The following USP46 variants were observed in gnomAD, a reference collection of about 807,000 sequenced individuals.
USP46 encodes ubiquitin carboxyl-terminal hydrolase 46.
In USP46, 12 loss-of-function variants were observed where a neutral mutation model predicts 44.4. The observed-to-expected ratio is 0.27, with a 90% CI of 0.17 to 0.44. The LOEUF is 0.44. Among genes scored for constraint, USP46 ranks in the 20% least tolerant of loss-of-function variants. The probability of loss-of-function intolerance (pLI) is 1.00; values close to 1 mark genes in which losing one functional copy is unlikely to be tolerated. For missense variants in USP46, 248 were observed against 444.8 expected (o/e 0.56, Z 3.98); for synonymous variants, 155 against 161.5 (o/e 0.96, Z 0.31).
chr4:52,635,673 C>T (rs1401516101), intron 1 of USP46, among the ~76,000 whole-genome samples: 2 of 152,202 alleles, frequency 1.3e-5, no homozygotes, highest in East Asian at 1.9e-4. Context: ...CTATCAGATC[C>T]TTCCCGTCAG....
At chr4:52,626,280 G>A in intron 3 of USP46, 33 bp from the exon 4 acceptor site, 1 of 1,568,462 alleles carries the variant, frequency 6.4e-7, no homozygotes, top group African/African-American at 1.4e-5. Flanking sequence ...TTCAGTCTCT[G>A]GTTCTTGAAA....
At chr4:52,614,850 C>T (rs1470432360) in intron 4 of USP46, among the ~76,000 whole-genome samples, 2 of 152,210 alleles carry the variant, frequency 1.3e-5, no homozygotes, top group Non-Finnish European at 2.9e-5. Context: ...ACAACTACAG[C>T]ATAAAGAACA....
intron 4 of USP46, among the ~76,000 whole-genome samples, chr4:52,611,022 A>G (rs1466163667): frequency 6.6e-6 from 1 of 152,222 alleles, no homozygotes; most frequent in Non-Finnish European, 1.5e-5. Flanking sequence ...TCCCTTGTTG[A>G]GTCGTTTCCA....
At chr4:52,653,778 C>T (rs1192405584) in intron 1 of USP46, among the ~76,000 whole-genome samples, 7 of 152,022 alleles carry the variant, frequency 4.6e-5, no homozygotes, top group Admixed American at 4.6e-4. Context: ...GATGATACCA[C>T]AGAATTTAAT....
chr4:52,604,971 T>C (rs1395873469), intron 5 of USP46, among the ~76,000 whole-genome samples: 2 of 152,142 alleles, frequency 1.3e-5, no homozygotes, highest in African/African-American at 2.4e-5. Flanking sequence ...AAAATACTGT[T>C]GAGTAAAAGT....
chr4:52,617,896 A>G (rs1418639565), intron 4 of USP46, among the ~76,000 whole-genome samples: 1 of 152,210 alleles, frequency 6.6e-6, no homozygotes, highest in Non-Finnish European at 1.5e-5. Flanking sequence ...AGTACAAGCT[A>G]TATCTTATTC....
At chr4:52,642,806 C>A (rs567880447) in intron 1 of USP46, among the ~76,000 whole-genome samples, 1 of 152,142 alleles carries the variant, frequency 6.6e-6, no homozygotes, top group Non-Finnish European at 1.5e-5. Flanking sequence ...AAAGAGAAAA[C>A]CGTACCAAAA....
At chr4:52,615,040 C>G (rs1407740908) in intron 4 of USP46, among the ~76,000 whole-genome samples, 3 of 150,520 alleles carry the variant, frequency 2.0e-5, no homozygotes, top group Non-Finnish European at 4.4e-5. Flanking sequence ...CAGAAAAGAT[C>G]AAGAGGAAAA....
chr4:52,641,398 A>G (rs1718336043), intron 1 of USP46, among the ~76,000 whole-genome samples: 1 of 152,346 alleles, frequency 6.6e-6, no homozygotes, highest in Non-Finnish European at 1.5e-5. Flanking sequence ...TCTGAAAGCA[A>G]TTCTATGACT....
At chr4:52,599,562 A>G (rs1716379712) in intron 7 of USP46, among the ~76,000 whole-genome samples, 1 of 152,194 alleles carries the variant, frequency 6.6e-6, no homozygotes, top group South Asian at 2.1e-4. Flanking sequence ...AAAGACATTA[A>G]TAAACCAATA....
chr4:52,604,399 A>G (rs1716595018), intron 6 of USP46, 102 bp downstream of exon 6: 5 of 926,998 alleles, frequency 5.4e-6, no homozygotes, highest in African/African-American at 1.7e-5. Flanking sequence ...CATGGCTACA[A>G]GCCCAGGTAG....
At chr4:52,626,388 T>G in intron 3 of USP46, 141 bp from the exon 4 acceptor site, 1 of 706,044 alleles carries the variant, frequency 1.4e-6, no homozygotes, top group South Asian at 2.0e-5. Flanking sequence ...AGTGGCATGA[T>G]CTCAGTTCAC....
intron 4 of USP46, among the ~76,000 whole-genome samples, chr4:52,617,079 G>A (rs1218803368): frequency 1.3e-5 from 2 of 152,084 alleles, no homozygotes; most frequent in African/African-American, 4.8e-5. Flanking sequence ...ATAATTCCCA[G>A]CATTTAATAG....
Position 52,608,897 on chromosome 4 carries a change from G to A in USP46, c.638+1644C>T, listed in dbSNP as rs1716806793. ...CACTGAGCATTTGGAGGAGTAAGGG[G>A]AGATTCTGGGAAGGAGTCATGGGGA... On this transcript the variant is annotated intron_variant, in intron 5 of 8. Coordinates refer to ENST00000441222, the MANE Select transcript of USP46 (RefSeq NM_022832.4). Among the ~76,000 whole-genome samples, 3 of 152,294 alleles carry A rather than the reference G, an allele frequency of 2.0e-5. No homozygotes were observed. In the South Asian group the frequency reaches 6.2e-4, roughly 32 times the overall value.
chr4:52,599,804 T>G (rs1011241323), intron 7 of USP46, among the ~76,000 whole-genome samples: 1 of 152,182 alleles, frequency 6.6e-6, no homozygotes, highest in African/African-American at 2.4e-5. Flanking sequence ...TTCCTGCCCT[T>G]TCTCCAGCCT....
At chr4:52,629,361 C>G (rs1403528313) in intron 2 of USP46, among the ~76,000 whole-genome samples, 1 of 152,132 alleles carries the variant, frequency 6.6e-6, no homozygotes, top group Non-Finnish European at 1.5e-5. Flanking sequence ...TATTAATAAA[C>G]ACAGATCCCA....
chr4:52,610,699 C>A, intron 4 of USP46, 82 bp from the exon 5 acceptor site: 6 of 1,332,216 alleles, frequency 4.5e-6, no homozygotes, highest in Non-Finnish European at 6.4e-6. Flanking sequence ...TAATCACCGA[C>A]TGCAATAAAA....
intron 3 of USP46, among the ~76,000 whole-genome samples, chr4:52,627,378 T>G (rs1577678768): frequency 6.6e-6 from 1 of 152,198 alleles, no homozygotes; most frequent in Admixed American, 6.5e-5. Flanking sequence ...ACAAAACTTC[T>G]GGAATACACA....
At chr4:52,634,899 G>A (rs367907020) in intron 1 of USP46, among the ~76,000 whole-genome samples, 40 of 152,270 alleles carry the variant, frequency 2.6e-4, no homozygotes, top group African/African-American at 8.4e-4. Context: ...CCATGCTCTC[G>A]CAGCAACTTG....
Sources: allele counts gnomAD v4.1 joint callset (sites outside exome capture counted in the v4.1 genomes callset), GRCh38; gene constraint gnomAD v4.1.1; transcripts MANE v1.5; gene names NCBI Gene and HGNC (gene_info 2026-07-23, HGNC 2026-07-21).